The following ULK4 variants were observed in gnomAD, a reference collection of about 807,000 sequenced individuals.
The protein encoded by ULK4 is unc-51 like kinase 4, also known as inactive serine/threonine-protein kinase ULK4.
A neutral mutation model predicts 160.6 loss-of-function variants in ULK4; 133 were observed. The observed-to-expected ratio is 0.83, with a 90% CI of 0.72 to 0.96. The LOEUF is 0.96. Among genes scored for constraint, ULK4 ranks in the 40% least tolerant of loss-of-function variants. The probability of loss-of-function intolerance (pLI) is 0.00; values close to 1 mark genes in which losing one functional copy is unlikely to be tolerated. For synonymous variants in ULK4, 534 were observed against 539.8 expected (o/e 0.99, Z 0.15); for missense variants, 1,580 against 1,499.5 (o/e 1.05, Z -0.89).
intron 31 of ULK4, among the ~76,000 whole-genome samples, chr3:41,602,324 G>GA (rs2032140025): frequency 7.9e-6 from 1 of 126,168 alleles, no homozygotes; most frequent in Admixed American, 8.0e-5. Context: ...AGGAAAGGAG[G>GA]AAGGGAAAGG....
chr3:41,881,306 A>C (rs1475776348), intron 17 of ULK4, among the ~76,000 whole-genome samples: 1 of 148,656 alleles, frequency 6.7e-6, no homozygotes, highest in Admixed American at 6.7e-5. Flanking sequence ...AAAAAAAAAA[A>C]AAAACAGGAA....
At chr3:41,694,198 G>T (rs148538108) in intron 27 of ULK4, among the ~76,000 whole-genome samples, 1 of 152,332 alleles carries the variant, frequency 6.6e-6, no homozygotes, top group East Asian at 1.9e-4. Context: ...CTGTGTAGGG[G>T]ACTGGATACA....
intron 2 of ULK4, among the ~76,000 whole-genome samples, chr3:41,942,181 A>G (rs1224084675): frequency 1.3e-5 from 2 of 152,226 alleles, no homozygotes; most frequent in Non-Finnish European, 2.9e-5. Flanking sequence ...AAATACACAC[A>G]GTATTCTGAA....
chr3:41,737,608 C>A (rs890192125), intron 22 of ULK4, among the ~76,000 whole-genome samples: 1 of 151,886 alleles, frequency 6.6e-6, no homozygotes, highest in African/African-American at 2.4e-5. Context: ...TATCTAAGTC[C>A]ATTTTTATCT....
At chr3:41,474,542 T>C (rs546155846) in intron 32 of ULK4, among the ~76,000 whole-genome samples, 1 of 151,754 alleles carries the variant, frequency 6.6e-6, no homozygotes, top group Non-Finnish European at 1.5e-5. Context: ...CACAACACAC[T>C]CTGCAAAATA....
At chr3:41,880,196 G>A (rs1374595592) in intron 17 of ULK4, among the ~76,000 whole-genome samples, 2 of 152,122 alleles carry the variant, frequency 1.3e-5, no homozygotes, top group African/African-American at 4.8e-5. Flanking sequence ...GCACGCTTCA[G>A]ACTAAATATA....
chr3:41,321,556 G>C (rs1475651041), intron 35 of ULK4, among the ~76,000 whole-genome samples: 2 of 151,986 alleles, frequency 1.3e-5, no homozygotes, highest in Non-Finnish European at 2.9e-5. Context: ...GTGATGGTCA[G>C]GCAGTTGTTA....
Position 41,679,450 on chromosome 3 carries a change from A to T in ULK4, c.2978+2058T>A, listed in dbSNP as rs150737046. The stretch of plus-strand genomic sequence containing the variant: ...AAGGTTTGAAAACATTCCATATCAC[A>T]TCCAAATAAATTGTATACCATTATC... On this transcript the variant is annotated intron_variant, in intron 29 of 36. Coordinates refer to ENST00000301831, the MANE Select transcript of ULK4 (RefSeq NM_017886.4). Among the ~76,000 whole-genome samples the T allele has an allele frequency of 1.1e-3, 172 of 152,316 alleles. 1 individual carries two copies. Among genetic ancestry groups the T allele is most frequent in the African/African-American group, 3.9e-3 (162 of 41,578 alleles).
intron 6 of ULK4, among the ~76,000 whole-genome samples, chr3:41,918,765 C>G (rs1699065475): frequency 6.6e-6 from 1 of 151,962 alleles, no homozygotes; most frequent in South Asian, 2.1e-4. Context: ...CCACGCCCAG[C>G]TAATTTTTTG....
intron 12 of ULK4, among the ~76,000 whole-genome samples, chr3:41,903,271 T>C (rs1372716176): frequency 2.0e-5 from 3 of 152,066 alleles, no homozygotes; most frequent in Non-Finnish European, 2.9e-5. Context: ...AATTAATCAA[T>C]GGGAAAACTC....
At chr3:41,961,417 G>A (rs1175849669) in intron 1 of ULK4, among the ~76,000 whole-genome samples, 1 of 152,142 alleles carries the variant, frequency 6.6e-6, no homozygotes, top group Non-Finnish European at 1.5e-5. Flanking sequence ...GCTCAAGTCT[G>A]CGAAATGCCA....
At chr3:41,581,698 T>G (rs1169942512) in intron 31 of ULK4, among the ~76,000 whole-genome samples, 5 of 151,886 alleles carry the variant, frequency 3.3e-5, no homozygotes, top group African/African-American at 1.2e-4. Context: ...CATTTGGGAG[T>G]TTCCCATCCA....
chr3:41,866,804 A>G (rs1042154833), intron 17 of ULK4, among the ~76,000 whole-genome samples: 4 of 152,232 alleles, frequency 2.6e-5, no homozygotes, highest in African/African-American at 9.6e-5. Context: ...ATAATGTACT[A>G]ACAGATATAG....
intron 22 of ULK4, among the ~76,000 whole-genome samples, chr3:41,737,334 A>G (rs2038089851): frequency 6.6e-6 from 1 of 152,012 alleles, no homozygotes; most frequent in African/African-American, 2.4e-5. Flanking sequence ...TTCAAGGAGA[A>G]CTACAAACCA....
chr3:41,458,031 C>T (rs576395791), intron 33 of ULK4, among the ~76,000 whole-genome samples: 222 of 152,228 alleles, frequency 1.5e-3, no homozygotes, highest in African/African-American at 5.0e-3. Flanking sequence ...ATTTTAAGAA[C>T]GCCTCCAGGT....
intron 36 of ULK4, among the ~76,000 whole-genome samples, chr3:41,249,288 C>T (rs1421552090): frequency 6.6e-6 from 1 of 152,204 alleles, no homozygotes; most frequent in Admixed American, 6.5e-5. Context: ...CCTCACTTTC[C>T]CCACCATAAC....
intron 31 of ULK4, among the ~76,000 whole-genome samples, chr3:41,596,445 T>G (rs2031696467): frequency 1.3e-5 from 2 of 151,988 alleles, no homozygotes. Context: ...TCAAGGGAAT[T>G]CGGGTGTTTT....
chr3:41,428,716 T>A (rs906075877), intron 34 of ULK4, among the ~76,000 whole-genome samples: 9 of 152,210 alleles, frequency 5.9e-5, no homozygotes, highest in African/African-American at 2.2e-4. Flanking sequence ...TGGCTAGTCA[T>A]ATGGAAAAAA....
chr3:41,567,082 A>C (rs141629270), intron 31 of ULK4, among the ~76,000 whole-genome samples: 1 of 152,300 alleles, frequency 6.6e-6, no homozygotes, highest in Non-Finnish European at 1.5e-5. Flanking sequence ...AAAAGCAACA[A>C]GCATATTAAT....
Sources: allele counts gnomAD v4.1 joint callset (sites outside exome capture counted in the v4.1 genomes callset), GRCh38; gene constraint gnomAD v4.1.1; transcripts MANE v1.5; gene names NCBI Gene and HGNC (gene_info 2026-07-23, HGNC 2026-07-21).